The following MAGI1 variants were observed in gnomAD, a reference collection of about 807,000 sequenced individuals.
MAGI1 encodes the protein membrane-associated guanylate kinase, WW and PDZ domain-containing protein 1.
In MAGI1, 58 loss-of-function variants were observed where a neutral mutation model predicts 139.9. The ratio of observed to expected loss-of-function variants is 0.41; its 90% confidence interval spans 0.34 to 0.52. The LOEUF (loss-of-function observed/expected upper bound fraction) is 0.52. Ranked by LOEUF, MAGI1 falls within the 20% of genes least tolerant of loss-of-function variation. The probability of loss-of-function intolerance (pLI) is 0.12; values close to 1 mark genes in which losing one functional copy is unlikely to be tolerated. For missense variants in MAGI1, 1,874 were observed against 1,901.6 expected (o/e 0.99, Z 0.27); for synonymous variants, 812 against 737.9 (o/e 1.10, Z -1.63).
intron 1 of MAGI1, among the ~76,000 whole-genome samples, chr3:65,966,806 C>A (rs1307392506): frequency 6.6e-6 from 1 of 152,206 alleles, no homozygotes; most frequent in Non-Finnish European, 1.5e-5. Flanking sequence ...CAGTACCAGG[C>A]ACACAGTTGC....
chr3:65,939,409 T>C (rs1229424425), intron 1 of MAGI1, among the ~76,000 whole-genome samples: 1 of 152,194 alleles, frequency 6.6e-6, no homozygotes. Flanking sequence ...TAACTCAATG[T>C]GAACTCCGCA....
At chr3:65,781,784 T>C (rs2038955216) in intron 1 of MAGI1, among the ~76,000 whole-genome samples, 2 of 152,366 alleles carry the variant, frequency 1.3e-5, no homozygotes, top group Non-Finnish European at 2.9e-5. Context: ...AGGTTTCTAC[T>C]GATTCTCTCA....
At chr3:65,496,495 G>A (rs958693099) in intron 2 of MAGI1, among the ~76,000 whole-genome samples, 1 of 152,214 alleles carries the variant, frequency 6.6e-6, no homozygotes, top group Non-Finnish European at 1.5e-5. Context: ...GAATAGGACA[G>A]AAGTGATAAG....
At chr3:65,881,259 T>A (rs2060316667) in intron 1 of MAGI1, among the ~76,000 whole-genome samples, 1 of 152,124 alleles carries the variant, frequency 6.6e-6, no homozygotes, top group Non-Finnish European at 1.5e-5. Flanking sequence ...CACCCAATAC[T>A]CTTAGATAAG....
intron 1 of MAGI1, among the ~76,000 whole-genome samples, chr3:65,812,604 C>A (rs1367614456): frequency 6.7e-6 from 1 of 149,470 alleles, no homozygotes; most frequent in African/African-American, 2.5e-5. Context: ...ATTATAGGAT[C>A]ATTATAAGAG....
At position 65,632,019 on chromosome 3, in the gene MAGI1, C is replaced by T. The variant is rs575620346; in HGVS notation, c.314-9931G>A. Reference sequence around the variant, plus strand: ...CAGCCGGGGCAACAGAATGAGACTCCGTCTCAAAAAAAAAAAAACAGATAT... The same window carrying T: ...CAGCCGGGGCAACAGAATGAGACTCTGTCTCAAAAAAAAAAAAACAGATAT... On this transcript the variant is annotated intron_variant, in intron 1 of 22. Transcript: ENST00000402939. Among the ~76,000 whole-genome samples the T allele has an allele frequency of 5.1e-4, 70 of 136,494 alleles. 1 individual carries two copies. In the South Asian group the frequency reaches 0.011, roughly 21 times the overall value. The allele number at this position is 136,494 out of a possible 152,430, so 89.5% of individuals were successfully genotyped here.
chr3:65,518,913 A>C (rs375736614), intron 2 of MAGI1, among the ~76,000 whole-genome samples: 1 of 152,266 alleles, frequency 6.6e-6, no homozygotes, highest in Non-Finnish European at 1.5e-5. Flanking sequence ...GTGGTAGGAA[A>C]TTTTCAATGG....
intron 1 of MAGI1, among the ~76,000 whole-genome samples, chr3:65,661,418 T>C (rs921761290): frequency 2.0e-5 from 3 of 152,194 alleles, no homozygotes; most frequent in Admixed American, 1.3e-4. Context: ...TAAAATGGCA[T>C]CTTGGTTTTC....
In MAGI1 at chr3:65,451,010, A is replaced by C. The variant is rs150045095; in HGVS notation, c.1042+2248T>G. 1.4e-3 allele frequency among the ~76,000 whole-genome samples: 206 copies of C among 152,338 alleles called. 4 individuals carry two copies. In the East Asian group the frequency reaches 0.034, roughly 25 times the overall value. On this transcript the variant is annotated intron_variant, in intron 6 of 22. Coordinates refer to ENST00000402939, the MANE Select transcript of MAGI1 (RefSeq NM_001033057.2). ...TGTACAGGCACACAGATATACATAG[A>C]ATTTCTACTAGAAACAGAATATATG... is the stretch of plus-strand genomic sequence containing the variant.
chr3:65,512,628 G>C (rs1180554993), intron 2 of MAGI1, among the ~76,000 whole-genome samples: 2 of 152,050 alleles, frequency 1.3e-5, no homozygotes, highest in African/African-American at 4.8e-5. Flanking sequence ...TCTCTGAATA[G>C]ACCAATAACA....
intron 1 of MAGI1, among the ~76,000 whole-genome samples, chr3:66,022,342 C>A (rs891692150): frequency 6.6e-6 from 1 of 152,204 alleles, no homozygotes; most frequent in African/African-American, 2.4e-5. Flanking sequence ...GCAACAGCTA[C>A]ATGAATTTTT....
chr3:65,950,067 C>CAAAAAAAAAAAA (rs61696952), intron 1 of MAGI1, among the ~76,000 whole-genome samples: 8 of 76,714 alleles, frequency 1.0e-4, no homozygotes, highest in East Asian at 4.5e-4. Flanking sequence ...AACAAAAAAA[C>CAAAAAAAAAAAA]AAAAAAAAAA....
intron 2 of MAGI1, among the ~76,000 whole-genome samples, chr3:65,548,511 CTTTTT>C (rs1170215972): frequency 1.7e-4 from 15 of 87,384 alleles, no homozygotes; most frequent in African/African-American, 6.1e-4. Context: ...AAACAACACT[CTTTTT>C]TTTTTTTTTT....
intron 1 of MAGI1, among the ~76,000 whole-genome samples, chr3:65,783,893 C>G (rs572382382): frequency 6.6e-6 from 1 of 151,998 alleles, no homozygotes; most frequent in African/African-American, 2.4e-5. Flanking sequence ...GAGGCCGAGG[C>G]AGATGGACCA....
chr3:65,534,465 C>T (rs574537901), intron 2 of MAGI1, among the ~76,000 whole-genome samples: 1 of 152,046 alleles, frequency 6.6e-6, no homozygotes, highest in African/African-American at 2.4e-5. Context: ...ACTCCAGCCT[C>T]GGTGAGAGAG....
intron 12 of MAGI1, among the ~76,000 whole-genome samples, chr3:65,415,371 G>C (rs896903284): frequency 8.5e-5 from 13 of 152,172 alleles, no homozygotes; most frequent in African/African-American, 3.1e-4. Context: ...ATCAGAACAG[G>C]GCAGCGCTGA....
chr3:66,033,153 G>A (rs554984897), intron 1 of MAGI1, among the ~76,000 whole-genome samples: 4 of 151,872 alleles, frequency 2.6e-5, no homozygotes, highest in Admixed American at 2.0e-4. Context: ...TCTGCCTCCC[G>A]AGTAGCTGGG....
chr3:65,460,531 AT>A (rs1949706279), intron 5 of MAGI1, among the ~76,000 whole-genome samples: 1 of 151,366 alleles, frequency 6.6e-6, no homozygotes. Flanking sequence ...TACTACTTGC[AT>A]TACTTATTTC....
chr3:65,731,278 G>C (rs191561302), intron 1 of MAGI1, among the ~76,000 whole-genome samples: 3 of 152,136 alleles, frequency 2.0e-5, no homozygotes, highest in African/African-American at 7.2e-5. Context: ...AGGAATTTTC[G>C]TGCTATGGCT....
Sources: allele counts gnomAD v4.1 joint callset (sites outside exome capture counted in the v4.1 genomes callset), GRCh38; gene constraint gnomAD v4.1.1; transcripts MANE v1.5; gene names NCBI Gene and HGNC (gene_info 2026-07-23, HGNC 2026-07-21).